Variants in ZNF385D observed in about 807,000 individuals in gnomAD.
ZNF385D encodes zinc finger protein 385D, also known as zinc finger protein 659.
ZNF385D carries 15 observed loss-of-function variants against 35.8 expected under a neutral mutation model. That is an observed-to-expected ratio of 0.42 (90% CI 0.28 to 0.64). The LOEUF is 0.64. Ranked by LOEUF, ZNF385D falls within the 30% of genes least tolerant of loss-of-function variation. The pLI is 0.23. For missense variants in ZNF385D, 474 were observed against 494.6 expected (o/e 0.96, Z 0.39); for synonymous variants, 212 against 186.8 (o/e 1.13, Z -1.10).
chr3:21,845,339 T>TA (rs1695940244), intron 3 of ZNF385D, among the ~76,000 whole-genome samples: 1 of 152,006 alleles, frequency 6.6e-6, no homozygotes, highest in Non-Finnish European at 1.5e-5. Context: ...TAATTTTGGT[T>TA]GTAGCATAAA....
intron 1 of ZNF385D, among the ~76,000 whole-genome samples, chr3:21,716,512 C>T (rs965958846): frequency 6.6e-6 from 1 of 152,136 alleles, no homozygotes; most frequent in African/African-American, 2.4e-5. Flanking sequence ...AGTTTTCCCT[C>T]AGGACTTCCA....
intron 3 of ZNF385D, among the ~76,000 whole-genome samples, chr3:22,008,978 T>C (rs1497935): frequency 6.6e-6 from 1 of 152,178 alleles, no homozygotes; most frequent in South Asian, 2.1e-4. Context: ...AAGAAAATTA[T>C]AAAACAAAAC....
At chr3:22,140,935 C>G (rs1704466761) in intron 3 of ZNF385D, among the ~76,000 whole-genome samples, 1 of 152,114 alleles carries the variant, frequency 6.6e-6, no homozygotes, top group African/African-American at 2.4e-5. Flanking sequence ...GTTGCTGACC[C>G]TTAGGTTTAC....
At chr3:21,423,108 A>G (rs1269591408) in intron 7 of ZNF385D, among the ~76,000 whole-genome samples, 1 of 151,992 alleles carries the variant, frequency 6.6e-6, no homozygotes, top group African/African-American at 2.4e-5. Flanking sequence ...GGCCCAAAAG[A>G]TCCTTAAGCT....
At chr3:22,307,765 T>G (rs1703314630) in intron 2 of ZNF385D, among the ~76,000 whole-genome samples, 1 of 151,752 alleles carries the variant, frequency 6.6e-6, no homozygotes, top group South Asian at 2.1e-4. Flanking sequence ...AAAAAAAACT[T>G]TCTTTCTTAG....
intron 3 of ZNF385D, among the ~76,000 whole-genome samples, chr3:22,119,239 A>C (rs890036313): frequency 6.6e-6 from 1 of 152,164 alleles, no homozygotes; most frequent in African/African-American, 2.4e-5. Context: ...CTTAACATGG[A>C]TTAAGAATAT....
At chr3:21,751,323 T>A (rs947508566), upstream of ZNF385D, 4 of 1,065,596 alleles carry the variant, frequency 3.8e-6, no homozygotes, top group African/African-American at 3.4e-5. Context: ...TCGGGAAGCT[T>A]TGACGAGCCC....
chr3:21,732,334 G>A (rs914195905), intron 1 of ZNF385D, among the ~76,000 whole-genome samples: 1 of 152,056 alleles, frequency 6.6e-6, no homozygotes, highest in Admixed American at 6.6e-5. Context: ...TTACAGGCGT[G>A]AGCCACCGTG....
chr3:22,075,100 T>G (rs1700400743), intron 3 of ZNF385D, among the ~76,000 whole-genome samples: 1 of 151,960 alleles, frequency 6.6e-6, no homozygotes, highest in Non-Finnish European at 1.5e-5. Context: ...GAGATTTTGA[T>G]TAGCTGGTAT....
At chr3:21,469,932 G>GAA (rs11382481) in intron 4 of ZNF385D, among the ~76,000 whole-genome samples, 52 of 150,626 alleles carry the variant, frequency 3.5e-4, no homozygotes, top group African/African-American at 8.8e-4. Context: ...GGTGCTTTAA[G>GAA]AAAAAAAAAA....
chr3:22,327,982 T>C (rs1049823464), intron 2 of ZNF385D, among the ~76,000 whole-genome samples: 6 of 152,216 alleles, frequency 3.9e-5, no homozygotes, highest in Non-Finnish European at 7.3e-5. Flanking sequence ...TAATATATGA[T>C]AAGCGCTCTT....
At chr3:22,310,303 T>C (rs927902188) in intron 2 of ZNF385D, among the ~76,000 whole-genome samples, 1 of 151,902 alleles carries the variant, frequency 6.6e-6, no homozygotes, top group Non-Finnish European at 1.5e-5. Flanking sequence ...CCTTTCTTGA[T>C]GGCTATGAGA....
At chr3:21,945,046 T>C (rs1182829460) in intron 3 of ZNF385D, among the ~76,000 whole-genome samples, 1 of 152,030 alleles carries the variant, frequency 6.6e-6, no homozygotes, top group Non-Finnish European at 1.5e-5. Context: ...AAAATATACA[T>C]CATAATATTT....
intron 3 of ZNF385D, among the ~76,000 whole-genome samples, chr3:22,082,561 G>A (rs557150334): frequency 6.6e-6 from 1 of 152,226 alleles, no homozygotes; most frequent in Admixed American, 6.5e-5. Flanking sequence ...GCTCTAACTG[G>A]ATAGAGCCCA....
At chr3:21,610,533 G>A (rs2064639202) in intron 2 of ZNF385D, among the ~76,000 whole-genome samples, 1 of 152,140 alleles carries the variant, frequency 6.6e-6, no homozygotes, top group African/African-American at 2.4e-5. Flanking sequence ...CACTCTGGGA[G>A]GCCAAGGCAG....
At chr3:21,928,687 A>G (rs954148235) in intron 3 of ZNF385D, among the ~76,000 whole-genome samples, 3 of 152,244 alleles carry the variant, frequency 2.0e-5, no homozygotes, top group Non-Finnish European at 2.9e-5. Flanking sequence ...CAGAAATTTT[A>G]AAATAAAGAA....
intron 3 of ZNF385D, among the ~76,000 whole-genome samples, chr3:22,000,208 G>A (rs982402735): frequency 2.0e-5 from 3 of 152,240 alleles, no homozygotes; most frequent in Admixed American, 2.0e-4. Context: ...AGGAGGCTGA[G>A]GCAGGAGAAT....
At chr3:22,009,801 T>C (rs1286306233) in intron 3 of ZNF385D, among the ~76,000 whole-genome samples, 5 of 152,098 alleles carry the variant, frequency 3.3e-5, no homozygotes, top group African/African-American at 9.7e-5. Context: ...TTTAAATTGA[T>C]AGTCAAGGGT....
At chr3:21,842,806 T>C (rs1311164538) in intron 3 of ZNF385D, among the ~76,000 whole-genome samples, 2 of 152,090 alleles carry the variant, frequency 1.3e-5, no homozygotes, top group Admixed American at 6.6e-5. Context: ...GTTAAGCTAA[T>C]GCAGAAAAAT....
Sources: allele counts gnomAD v4.1 joint callset (sites outside exome capture counted in the v4.1 genomes callset), GRCh38; gene constraint gnomAD v4.1.1; transcripts MANE v1.5; gene names NCBI Gene and HGNC (gene_info 2026-07-23, HGNC 2026-07-21).